Variants in XIRP2 observed in about 807,000 individuals in gnomAD.
XIRP2 encodes the protein xin actin binding repeat containing 2.
In XIRP2, 236 loss-of-function variants were observed where a neutral mutation model predicts 277.0. The ratio of observed to expected loss-of-function variants is 0.85; its 90% confidence interval spans 0.77 to 0.95. XIRP2 has a LOEUF of 0.95. XIRP2 is among the 40% of genes least tolerant of loss of function. The pLI is 0.00. For synonymous variants in XIRP2, 1,490 were observed against 1,416.5 expected, an observed-to-expected ratio of 1.05 and a Z score of -1.17; for missense variants, 4,640 against 4,157.5, an observed-to-expected ratio of 1.12 and a Z score of -3.19.
intron 2 of XIRP2, among the ~76,000 whole-genome samples, chr2:167,091,948 A>G (rs2105276198): frequency 6.6e-6 from 1 of 152,260 alleles, no homozygotes; most frequent in East Asian, 1.9e-4. Context: ...ACTTTTGATG[A>G]TATCAGCAGC....
At chr2:166,972,167 C>T (rs1686595436) in intron 2 of XIRP2, among the ~76,000 whole-genome samples, 2 of 152,196 alleles carry the variant, frequency 1.3e-5, no homozygotes, top group African/African-American at 4.8e-5. Flanking sequence ...AGAATACATA[C>T]AGCAAGGAGG....
chr2:167,076,801 C>CTA (rs1689583795), intron 2 of XIRP2, among the ~76,000 whole-genome samples: 2 of 152,080 alleles, frequency 1.3e-5, no homozygotes, highest in South Asian at 4.1e-4. Context: ...GTAGCAGCTA[C>CTA]TATGGTTAGT....
intron 3 of XIRP2, among the ~76,000 whole-genome samples, chr2:167,157,763 T>G (rs1450895591): frequency 6.6e-6 from 1 of 152,118 alleles, no homozygotes; most frequent in African/African-American, 2.4e-5. Flanking sequence ...TGGATATGAT[T>G]GTGAAAAATG....
chr2:167,102,219 C>A (rs920124937), intron 2 of XIRP2, among the ~76,000 whole-genome samples: 1 of 152,098 alleles, frequency 6.6e-6, no homozygotes, highest in African/African-American at 2.4e-5. Flanking sequence ...GTAGAAACAG[C>A]ATTGTTAGAA....
intron 2 of XIRP2, among the ~76,000 whole-genome samples, chr2:167,122,958 A>T (rs1159010590): frequency 1.3e-5 from 2 of 152,162 alleles, no homozygotes; most frequent in African/African-American, 4.8e-5. Context: ...GTCAAGGGCC[A>T]GATAGGGCTT....
intron 2 of XIRP2, among the ~76,000 whole-genome samples, chr2:167,001,541 T>C (rs1687370824): frequency 6.6e-6 from 1 of 152,138 alleles, no homozygotes; most frequent in South Asian, 2.1e-4. Flanking sequence ...AAAAATATGG[T>C]ACTAGAAATA....
At chr2:167,008,528 G>A (rs1687567808) in intron 2 of XIRP2, among the ~76,000 whole-genome samples, 2 of 151,476 alleles carry the variant, frequency 1.3e-5, no homozygotes, top group South Asian at 2.1e-4. Context: ...AATTAATAAC[G>A]GAGGGCAGCT....
At chr2:166,923,289 G>A (rs1194805098) in intron 2 of XIRP2, among the ~76,000 whole-genome samples, 1 of 152,020 alleles carries the variant, frequency 6.6e-6, no homozygotes, top group East Asian at 1.9e-4. Context: ...GTTCTCACTG[G>A]AATTATTTGG....
At chr2:166,975,732 T>C (rs1052853247) in intron 2 of XIRP2, among the ~76,000 whole-genome samples, 33 of 152,046 alleles carry the variant, frequency 2.2e-4, no homozygotes, top group Admixed American at 2.1e-3. Flanking sequence ...GAGACCATCC[T>C]GGCTAACACG....
At chr2:167,201,249 A>AAGGAGGGAGGGAAGGAAG (rs1559018365) in intron 3 of XIRP2, among the ~76,000 whole-genome samples, 1 of 99,726 alleles carries the variant, frequency 1.0e-5, no homozygotes, top group African/African-American at 6.4e-5. Context: ...AAAGAAAGAA[A>AAGGAGGGAGGGAAGGAAG]GAAAGAAAGA....
Position 167,034,998 on chromosome 2 carries a change from C to T in XIRP2, c.409-100911C>T, listed in dbSNP as rs138629979. Among the ~76,000 whole-genome samples, 1,253 of 152,246 alleles carry T rather than the reference C, an allele frequency of 8.2e-3. 19 individuals carry two copies. The highest frequency in any genetic ancestry group is 0.028 in the African/African-American group (1,171 of 41,548). The stretch of plus-strand genomic sequence containing the variant: ...ATCCGATGGGTTTATCAGGGGTTTC[C>T]GCTTTTGCTTCTTCCTCATTCTCTC... On this transcript the variant is annotated intron_variant, in intron 2 of 10. Transcript: ENST00000409195.
chr2:167,239,736 A>G, intron 5 of XIRP2, 119 bp from the exon 6 acceptor site: 1 of 833,314 alleles, frequency 1.2e-6, no homozygotes, highest in East Asian at 2.9e-5. Flanking sequence ...CAGCCAAGAA[A>G]ACTAATATAC....
intron 2 of XIRP2, among the ~76,000 whole-genome samples, chr2:166,974,952 C>T (rs569532833): frequency 6.2e-4 from 95 of 152,004 alleles, no homozygotes; most frequent in Non-Finnish European, 1.2e-3. Flanking sequence ...ATTCACTATG[C>T]AAATATTAGA....
At chr2:167,075,275 A>G (rs981934299) in intron 2 of XIRP2, among the ~76,000 whole-genome samples, 9 of 152,206 alleles carry the variant, frequency 5.9e-5, no homozygotes, top group Non-Finnish European at 4.4e-5. Context: ...GAGGTGAAGA[A>G]GAAAGGGAGA....
At chr2:167,126,355 A>G (rs1231754999) in intron 2 of XIRP2, among the ~76,000 whole-genome samples, 3 of 152,136 alleles carry the variant, frequency 2.0e-5, no homozygotes, top group Non-Finnish European at 2.9e-5. Flanking sequence ...AAGGTTGGTC[A>G]AGTGCCATTT....
rs182594381 is a variant in XIRP2 at position 167,242,160 on chromosome 2, G to A, written c.1176+250G>A. On this transcript the variant is annotated intron_variant, in intron 8 of 10. Coordinates refer to ENST00000409195, the MANE Select transcript of XIRP2 (RefSeq NM_152381.6). The stretch of plus-strand genomic sequence containing the variant: ...CTAAAGTCTAATAATTAACATTAAA[G>A]TAATTAAATCAATTTTAAATGCCAG... 3.6e-3 allele frequency among the ~76,000 whole-genome samples: 552 copies of A among 152,206 alleles called. 3 individuals are homozygous for A. The highest frequency in any genetic ancestry group is 6.0e-3 in the Non-Finnish European group (405 of 68,008).
chr2:166,974,192 GA>G (rs1482526571), intron 2 of XIRP2, among the ~76,000 whole-genome samples: 1 of 152,122 alleles, frequency 6.6e-6, no homozygotes, highest in East Asian at 1.9e-4. Flanking sequence ...GAGTTGTTTG[GA>G]AAGAGGCAAA....
chr2:167,042,832 C>T (rs1245213241), intron 2 of XIRP2, among the ~76,000 whole-genome samples: 1 of 152,088 alleles, frequency 6.6e-6, no homozygotes, highest in Non-Finnish European at 1.5e-5. Flanking sequence ...ACATTCAGTA[C>T]CTAAGCTTGA....
At chr2:167,206,278 A>G (rs1300076125) in intron 3 of XIRP2, among the ~76,000 whole-genome samples, 3 of 152,030 alleles carry the variant, frequency 2.0e-5, no homozygotes, top group African/African-American at 4.8e-5. Flanking sequence ...TTCTTCTAGT[A>G]TAACTTATTT....
Sources: allele counts gnomAD v4.1 joint callset (sites outside exome capture counted in the v4.1 genomes callset), GRCh38; gene constraint gnomAD v4.1.1; transcripts MANE v1.5; gene names NCBI Gene and HGNC (gene_info 2026-07-23, HGNC 2026-07-21).